NEBL: variants seen among roughly 807,000 people sequenced by gnomAD.
NEBL encodes the protein LIM and SH3 protein 2.
NEBL carries 122 observed loss-of-function variants against 140.2 expected under a neutral mutation model. That is an observed-to-expected ratio of 0.87 (90% CI 0.75 to 1.01). NEBL has a LOEUF of 1.01. Ranked by LOEUF, NEBL falls within the 50% of genes least tolerant of loss-of-function variation. NEBL has a pLI of 0.00. For missense variants in NEBL, 1,365 were observed against 1,231.3 expected (o/e 1.11, Z -1.62); for synonymous variants, 436 against 398.9 (o/e 1.09, Z -1.11).
intron 4 of NEBL, among the ~76,000 whole-genome samples, chr10:20,914,448 C>T (rs1848453968): frequency 1.3e-5 from 2 of 152,166 alleles, no homozygotes. Context: ...AATCCCTTTT[C>T]CCTTTAGTCA....
At chr10:20,805,087 A>T (rs559351014) in intron 26 of NEBL, among the ~76,000 whole-genome samples, 2 of 152,164 alleles carry the variant, frequency 1.3e-5, no homozygotes, top group African/African-American at 2.4e-5. Flanking sequence ...AGCTGACAAG[A>T]TTTGCCAATG....
intron 2 of NEBL, among the ~76,000 whole-genome samples, chr10:21,081,825 T>C (rs1477434142): frequency 6.6e-6 from 1 of 152,186 alleles, no homozygotes; most frequent in Non-Finnish European, 1.5e-5. Flanking sequence ...AGGGCTCCCA[T>C]GGGCCAGGTG....
intron 2 of NEBL, among the ~76,000 whole-genome samples, chr10:21,069,320 G>A (rs191411093): frequency 2.0e-5 from 3 of 152,312 alleles, no homozygotes; most frequent in Admixed American, 1.3e-4. Context: ...AAATGGGGCC[G>A]TTTATGGCAG....
chr10:21,141,483 T>A (rs1204665154), intron 2 of NEBL, among the ~76,000 whole-genome samples: 1 of 152,226 alleles, frequency 6.6e-6, no homozygotes, highest in Non-Finnish European at 1.5e-5. Flanking sequence ...TACAAGAATT[T>A]TTCATGATAT....
chr10:20,886,681 TG>T (rs1846550986), intron 4 of NEBL, among the ~76,000 whole-genome samples: 1 of 152,226 alleles, frequency 6.6e-6, no homozygotes, highest in South Asian at 2.1e-4. Context: ...TGCCATTTAC[TG>T]GCTGTGCCAC....
chr10:21,123,557 T>C (rs1253549472), intron 2 of NEBL, among the ~76,000 whole-genome samples: 1 of 152,046 alleles, frequency 6.6e-6, no homozygotes, highest in African/African-American at 2.4e-5. Flanking sequence ...AGTCCTTCTT[T>C]TTGAATTTAC....
chr10:21,246,235 G>T (rs1842515432), intron 3 of NEBL, among the ~76,000 whole-genome samples: 1 of 152,218 alleles, frequency 6.6e-6, no homozygotes, highest in South Asian at 2.1e-4. Flanking sequence ...TCTACCAAGT[G>T]ATGGTGAGAA....
intron 2 of NEBL, among the ~76,000 whole-genome samples, chr10:21,040,545 A>C (rs1699959235): frequency 6.6e-6 from 1 of 152,194 alleles, no homozygotes; most frequent in African/African-American, 2.4e-5. Context: ...GCCAGCTCTC[A>C]TGTGAACTAA....
At chr10:20,812,348 T>A (rs1218740902) in intron 24 of NEBL, among the ~76,000 whole-genome samples, 1 of 151,944 alleles carries the variant, frequency 6.6e-6, no homozygotes, top group South Asian at 2.1e-4. Flanking sequence ...ATACTTGAAG[T>A]TCTAGGGTAC....
intron 3 of NEBL, among the ~76,000 whole-genome samples, chr10:21,212,138 C>T (rs1841927190): frequency 6.6e-6 from 1 of 150,950 alleles, no homozygotes; most frequent in African/African-American, 2.4e-5. Flanking sequence ...ACAGTATTAT[C>T]GCTACATCTG....
chr10:20,976,197 T>C (rs936181724), intron 3 of NEBL, among the ~76,000 whole-genome samples: 1 of 151,326 alleles, frequency 6.6e-6, no homozygotes, highest in Non-Finnish European at 1.5e-5. Flanking sequence ...AAAAATTAGC[T>C]GAGCATGGTG....
At position 21,219,987 on chromosome 10, in the gene NEBL, C is replaced by T. The variant is rs181600874; in HGVS notation, n.348+27934G>A. ...GGAGTACCATGGGACGATCTCGGCT[C>T]ACTGCAACCTCCACCTCCCAGTTCA... On this transcript the variant is annotated intron_variant and non_coding_transcript_variant, in intron 3 of 8. Coordinates refer to the NEBL transcript ENST00000675702. 1.1e-3 allele frequency among the ~76,000 whole-genome samples: 165 copies of T among 151,686 alleles called. 1 individual carries two copies. Among genetic ancestry groups the T allele is most frequent in the African/African-American group, 3.9e-3 (161 of 41,348 alleles).
chr10:20,807,076 C>T (rs1004111664), intron 26 of NEBL, among the ~76,000 whole-genome samples: 3 of 152,234 alleles, frequency 2.0e-5, no homozygotes, highest in South Asian at 2.1e-4. Context: ...CTCTGATCCC[C>T]GCACTTGGGA....
At chr10:20,943,514 C>G (rs1835003945) in intron 4 of NEBL, among the ~76,000 whole-genome samples, 1 of 152,044 alleles carries the variant, frequency 6.6e-6, no homozygotes, top group East Asian at 1.9e-4. Context: ...GGGTGCAGCA[C>G]ACCAACATGG....
chr10:20,829,426 G>A (rs1840190068), intron 16 of NEBL, among the ~76,000 whole-genome samples: 1 of 148,054 alleles, frequency 6.8e-6, no homozygotes, highest in Admixed American at 6.8e-5. Flanking sequence ...TCACACTCTG[G>A]GGACTGTTGT....
At chr10:21,227,821 C>G (rs1589337973) in intron 3 of NEBL, among the ~76,000 whole-genome samples, 2 of 149,896 alleles carry the variant, frequency 1.3e-5, no homozygotes, top group African/African-American at 4.9e-5. Flanking sequence ...TCTTGTTCTT[C>G]TTCTTCTTTC....
intron 1 of NEBL, among the ~76,000 whole-genome samples, chr10:21,267,130 A>G (rs751224314): frequency 1.9e-4 from 29 of 152,080 alleles, no homozygotes; most frequent in African/African-American, 7.0e-4. Flanking sequence ...GCTCGCCACC[A>G]TGCCCAGGTA....
chr10:20,937,590 G>A (rs943565137), intron 4 of NEBL, among the ~76,000 whole-genome samples: 5 of 152,136 alleles, frequency 3.3e-5, no homozygotes, highest in African/African-American at 1.2e-4. Context: ...CAGAAAGTGG[G>A]TGCAGGACAG....
At position 21,267,166 on chromosome 10, in the gene NEBL, G is replaced by A. The variant is rs552355565; in HGVS notation, n.183-15338C>T. 2.6e-5 allele frequency among the ~76,000 whole-genome samples: 4 copies of A among 152,078 alleles called. No individual in the cohort carries two copies. The South Asian group carries it at 6.2e-4, about 24-fold the overall frequency. On this transcript the variant is annotated intron_variant and non_coding_transcript_variant, in intron 1 of 8. Coordinates refer to the NEBL transcript ENST00000675702. ...ATTTTTTGTATTTTTAATAAAGATG[G>A]GGTTTCACCACATTGGCCAGGCCAG...
Sources: allele counts gnomAD v4.1 joint callset (sites outside exome capture counted in the v4.1 genomes callset), GRCh38; gene constraint gnomAD v4.1.1; transcripts MANE v1.5; gene names NCBI Gene and HGNC (gene_info 2026-07-23, HGNC 2026-07-21).